LRIF1: variants seen among roughly 807,000 people sequenced by gnomAD.
The protein encoded by LRIF1 is ligand dependent nuclear receptor interacting factor 1.
LRIF1 carries 32 observed loss-of-function variants against 52.7 expected under a neutral mutation model. The observed-to-expected ratio is 0.61, with a 90% CI of 0.46 to 0.82. The LOEUF is 0.82. Ranked by LOEUF, LRIF1 falls within the 40% of genes least tolerant of loss-of-function variation. The pLI is 0.00. For missense variants in LRIF1, 887 were observed against 892.0 expected (o/e 0.99, Z 0.07); for synonymous variants, 323 against 317.4 (o/e 1.02, Z -0.19).
chr1:110,934,688 C>A, the LRIF1 span, among the ~76,000 whole-genome samples: 2 of 152,182 alleles, frequency 1.3e-5, no homozygotes, highest in Admixed American at 6.5e-5. Context: ...AATAGAACAC[C>A]AGGTAGATGT....
At chr1:110,935,211 G>T in the LRIF1 span, among the ~76,000 whole-genome samples, 1 of 152,136 alleles carries the variant, frequency 6.6e-6, no homozygotes, top group South Asian at 2.1e-4. Context: ...TCCCAAAAAG[G>T]ACAGGTACAA....
chr1:110,879,970 A>G, the LRIF1 span, among the ~76,000 whole-genome samples: 1 of 152,320 alleles, frequency 6.6e-6, no homozygotes, highest in East Asian at 1.9e-4. Context: ...CAAAAAAAAG[A>G]CAGGGATGGA....
the LRIF1 span, among the ~76,000 whole-genome samples, chr1:110,924,095 A>G: frequency 2.0e-5 from 3 of 152,176 alleles, 1 homozygote; most frequent in African/African-American, 7.2e-5. Context: ...AGTATTGTGA[A>G]TAACTTTATG....
At chr1:110,924,254 C>T in the LRIF1 span, among the ~76,000 whole-genome samples, 1 of 152,000 alleles carries the variant, frequency 6.6e-6, no homozygotes, top group South Asian at 2.1e-4. Context: ...AATCTAGTCC[C>T]AAATGGTTTC....
the LRIF1 span, among the ~76,000 whole-genome samples, chr1:110,919,175 C>T: frequency 1.3e-5 from 2 of 152,150 alleles, no homozygotes; most frequent in Non-Finnish European, 2.9e-5. Context: ...TGAGTGTCAA[C>T]TTGATTGGAT....
chr1:110,930,764 A>G, the LRIF1 span, among the ~76,000 whole-genome samples: 8,752 of 152,246 alleles, frequency 0.057, 292 homozygotes, highest in East Asian at 0.13. Flanking sequence ...TGCACAAAAA[A>G]TCTTTCATTA....
chr1:110,903,529 G>A, the LRIF1 span, among the ~76,000 whole-genome samples: 2 of 152,196 alleles, frequency 1.3e-5, no homozygotes, highest in South Asian at 2.1e-4. Context: ...TGGGCCAGAA[G>A]GGAATCCATT....
At chr1:110,944,115 C>T (rs1333744833), downstream of LRIF1, 1 of 152,198 alleles carries the variant, frequency 6.6e-6, no homozygotes, top group East Asian at 1.9e-4. Flanking sequence ...ACTTATGAGG[C>T]TACCAATAAT....
chr1:110,956,166 C>T (rs1240238300), intron 1 of LRIF1, among the ~76,000 whole-genome samples: 2 of 152,122 alleles, frequency 1.3e-5, no homozygotes, highest in African/African-American at 2.4e-5. Flanking sequence ...GAACAGTCTT[C>T]GTGAAGGAGT....
chr1:110,938,794 T>C, the LRIF1 span: 1 of 152,162 alleles, frequency 6.6e-6, no homozygotes, highest in Non-Finnish European at 1.5e-5. Flanking sequence ...TGATATGATC[T>C]TATAGTCAAA....
the LRIF1 span, among the ~76,000 whole-genome samples, chr1:110,886,846 A>AAGATTATATATATATATATATATATAT: frequency 2.0e-5 from 2 of 101,006 alleles, no homozygotes; most frequent in Admixed American, 1.2e-4. Flanking sequence ...CTCTGTCTCC[A>AAGATTATATATATATATATATATATAT]ATATATATAT....
At chr1:110,877,517 C>A in the LRIF1 span, among the ~76,000 whole-genome samples, 1 of 152,176 alleles carries the variant, frequency 6.6e-6, no homozygotes, top group East Asian at 1.9e-4. Context: ...TTAGAAGAGT[C>A]CCTGTCCCAC....
the LRIF1 span, chr1:110,892,734 T>C: frequency 1.9e-6 from 1 of 536,250 alleles, no homozygotes; most frequent in East Asian, 3.1e-5. Context: ...AAGAGGGCAT[T>C]GCTATCCCCC....
the LRIF1 span, among the ~76,000 whole-genome samples, chr1:110,921,799 A>G: frequency 2.0e-5 from 3 of 152,198 alleles, no homozygotes; most frequent in African/African-American, 7.2e-5. Context: ...ACTCAAGACA[A>G]CAGTGATGAG....
At chr1:110,934,680 T>G in the LRIF1 span, among the ~76,000 whole-genome samples, 36 of 152,220 alleles carry the variant, frequency 2.4e-4, no homozygotes, top group Non-Finnish European at 1.5e-4. Context: ...CACAGTATAA[T>G]AGAACACCAG....
At chr1:110,879,816 C>A in the LRIF1 span, among the ~76,000 whole-genome samples, 1 of 152,124 alleles carries the variant, frequency 6.6e-6, no homozygotes, top group African/African-American at 2.4e-5. Flanking sequence ...GCTTCTCCCA[C>A]CTCAGCTTCC....
chr1:110,904,001 A>G, the LRIF1 span, among the ~76,000 whole-genome samples: 8 of 152,126 alleles, frequency 5.3e-5, no homozygotes, highest in African/African-American at 1.7e-4. Context: ...AGTACTCCCT[A>G]TGGCTTGTGG....
the LRIF1 span, among the ~76,000 whole-genome samples, chr1:110,913,916 A>G: frequency 6.6e-6 from 1 of 152,224 alleles, no homozygotes; most frequent in African/African-American, 2.4e-5. Context: ...AGTGGACTAG[A>G]TAAAGAAAAT....
At chr1:110,932,228 T>G in the LRIF1 span, among the ~76,000 whole-genome samples, 15 of 152,236 alleles carry the variant, frequency 9.9e-5, no homozygotes, top group African/African-American at 1.4e-4. Flanking sequence ...CAGCACCATT[T>G]ATTAAATAGG....
Sources: gnomAD v4.1 joint callset for allele counts (sites outside exome capture counted in the v4.1 genomes callset) on GRCh38, gnomAD v4.1.1 for gene constraint, MANE v1.5 for transcripts, NCBI Gene and HGNC (gene_info 2026-07-23, HGNC 2026-07-21) for gene names.